Variants in ADK observed in about 807,000 individuals in gnomAD.
The protein encoded by ADK is N6,N6-dimethyladenosine kinase.
In ADK, 24 loss-of-function variants were observed where a neutral mutation model predicts 44.7. The observed-to-expected ratio is 0.54, with a 90% CI of 0.39 to 0.76. The LOEUF (loss-of-function observed/expected upper bound fraction) is 0.76. Ranked by LOEUF, ADK falls within the 30% of genes least tolerant of loss-of-function variation. ADK has a pLI of 0.00. For synonymous variants in ADK, 128 were observed against 142.6 expected (o/e 0.90, Z 0.73); for missense variants, 321 against 425.1 (o/e 0.76, Z 2.15).
At chr10:74,440,665 A>T (rs1564723679) in intron 6 of ADK, among the ~76,000 whole-genome samples, 2 of 152,152 alleles carry the variant, frequency 1.3e-5, no homozygotes, top group Non-Finnish European at 2.9e-5. Context: ...TCTCTGGCCT[A>T]GTCAAAGGCA....
At chr10:74,631,127 G>A (rs1853401449) in intron 9 of ADK, among the ~76,000 whole-genome samples, 1 of 151,704 alleles carries the variant, frequency 6.6e-6, no homozygotes, top group African/African-American at 2.4e-5. Context: ...TGTTTTCCTT[G>A]CCCCAGCCAT....
At chr10:74,213,286 T>A (rs1217858489) in intron 2 of ADK, among the ~76,000 whole-genome samples, 1 of 152,202 alleles carries the variant, frequency 6.6e-6, no homozygotes, top group South Asian at 2.1e-4. Flanking sequence ...TAAAAAAAAA[T>A]TTGTTTTTTA....
intron 9 of ADK, among the ~76,000 whole-genome samples, chr10:74,650,217 T>C (rs985211212): frequency 6.6e-6 from 1 of 152,034 alleles, no homozygotes; most frequent in African/African-American, 2.4e-5. Flanking sequence ...GTCTGGAGTT[T>C]GAGACCACCC....
intron 10 of ADK, among the ~76,000 whole-genome samples, chr10:74,701,248 C>T (rs1856407082): frequency 6.6e-6 from 1 of 152,162 alleles, no homozygotes; most frequent in Non-Finnish European, 1.5e-5. Context: ...ATTGGAAGTA[C>T]TGGTGTCAGC....
chr10:74,543,866 C>CT (rs998912633), intron 7 of ADK, among the ~76,000 whole-genome samples: 110 of 148,168 alleles, frequency 7.4e-4, no homozygotes, highest in African/African-American at 1.1e-3. Flanking sequence ...TTTTTTTTTT[C>CT]TTTTTTTTGC....
In ADK at chr10:74,471,980, C is replaced by A. The variant is rs186598579; in HGVS notation, c.556-53276C>A. Among the ~76,000 whole-genome samples, 55 of 152,250 alleles carry A rather than the reference C, an allele frequency of 3.6e-4. 1 individual carries two copies. Among genetic ancestry groups the A allele is most frequent in the African/African-American group, 1.3e-3 (53 of 41,536 alleles). On this transcript the variant is annotated intron_variant, in intron 6 of 10. Transcript: ENST00000539909. ...AATAATTCTACTTCTCTGTTTCCAA[C>A]TTGTATGCCTCCTATTTCCTCTTTC... is the stretch of plus-strand genomic sequence containing the variant.
intron 6 of ADK, among the ~76,000 whole-genome samples, chr10:74,434,471 A>G (rs1845114454): frequency 6.6e-6 from 1 of 152,186 alleles, no homozygotes; most frequent in Admixed American, 6.5e-5. Context: ...GCAATTCTAA[A>G]ATCGGACAAC....
At chr10:74,521,326 A>G (rs1848824997) in intron 6 of ADK, among the ~76,000 whole-genome samples, 1 of 152,210 alleles carries the variant, frequency 6.6e-6, no homozygotes, top group Non-Finnish European at 1.5e-5. Context: ...CAAAATTGAC[A>G]TCATACTATC....
intron 4 of ADK, among the ~76,000 whole-genome samples, chr10:74,319,011 T>TA (rs34320598): frequency 0.48 from 73,472 of 151,982 alleles, 20,186 homozygotes; most frequent in Non-Finnish European, 0.62. Context: ...TATTACGTTT[T>TA]ACCACACATA....
intron 6 of ADK, among the ~76,000 whole-genome samples, chr10:74,441,272 C>T (rs560440535): frequency 1.3e-5 from 2 of 152,218 alleles, no homozygotes; most frequent in East Asian, 3.9e-4. Context: ...AGACATAATA[C>T]CAAGTGTTGA....
chr10:74,290,128 T>C (rs1361373184), intron 3 of ADK, among the ~76,000 whole-genome samples: 2 of 151,092 alleles, frequency 1.3e-5, no homozygotes, highest in South Asian at 2.1e-4. Context: ...AGGGGTTCAA[T>C]TGGGCCTTAG....
chr10:74,391,211 A>G (rs1843316948), intron 4 of ADK, among the ~76,000 whole-genome samples: 1 of 152,082 alleles, frequency 6.6e-6, no homozygotes, highest in South Asian at 2.1e-4. Context: ...TATTTTTTCT[A>G]TGTGCTTATG....
intron 6 of ADK, among the ~76,000 whole-genome samples, chr10:74,434,375 A>G (rs529047353): frequency 3.5e-4 from 54 of 152,320 alleles, no homozygotes; most frequent in Admixed American, 3.3e-3. Context: ...ATTTGAGACT[A>G]TTTGGAAACT....
intron 4 of ADK, chr10:74,371,977 G>GT: frequency 1.2e-6 from 1 of 846,290 alleles, no homozygotes; most frequent in Non-Finnish European, 2.0e-6. Flanking sequence ...GTTGCTTTGT[G>GT]TAACACAGAT....
chr10:74,432,031 A>AAAT (rs1036063293), intron 6 of ADK, among the ~76,000 whole-genome samples: 1 of 151,858 alleles, frequency 6.6e-6, no homozygotes, highest in African/African-American at 2.4e-5. Context: ...GTCTCTACCA[A>AAAT]AATAATAATA....
chr10:74,347,444 G>T (rs1016113887), intron 4 of ADK, among the ~76,000 whole-genome samples: 1 of 152,136 alleles, frequency 6.6e-6, no homozygotes, highest in African/African-American at 2.4e-5. Flanking sequence ...ATTCCGTCGT[G>T]TGCCTACACC....
In ADK at chr10:74,188,575, A is replaced by C. The variant is rs185671837; in HGVS notation, c.66-12189A>C. Among the ~76,000 whole-genome samples, 10 of 151,972 alleles carry C rather than the reference A, an allele frequency of 6.6e-5. No homozygotes were observed. The East Asian group carries it at 1.9e-3, about 29-fold the overall frequency. ...CACCGTGTTAGCCAGGATGGTCTCC[A>C]TCTCCTGACCTCGTGACCTGCCTGC... On this transcript the variant is annotated intron_variant, in intron 1 of 10. Coordinates refer to ENST00000539909, the MANE Select transcript of ADK (RefSeq NM_006721.4).
intron 3 of ADK, among the ~76,000 whole-genome samples, chr10:74,269,500 G>A (rs983122755): frequency 2.0e-5 from 3 of 152,090 alleles, no homozygotes; most frequent in Non-Finnish European, 4.4e-5. Flanking sequence ...AACCACATGA[G>A]ACCAAAAATA....
At chr10:74,208,221 TGGCTG>T (rs1843675297) in intron 2 of ADK, among the ~76,000 whole-genome samples, 1 of 152,222 alleles carries the variant, frequency 6.6e-6, no homozygotes, top group Non-Finnish European at 1.5e-5. Flanking sequence ...TCCACAGCCA[TGGCTG>T]GGTGGCTGCA....
Sources: gnomAD v4.1 joint callset for allele counts (sites outside exome capture counted in the v4.1 genomes callset) on GRCh38, gnomAD v4.1.1 for gene constraint, MANE v1.5 for transcripts, NCBI Gene and HGNC (gene_info 2026-07-23, HGNC 2026-07-21) for gene names.